Variants in SGCD observed in about 807,000 individuals in gnomAD.
SGCD encodes delta-sarcoglycan.
SGCD carries 18 observed loss-of-function variants against 36.6 expected under a neutral mutation model. The ratio of observed to expected loss-of-function variants is 0.49; its 90% CI spans 0.34 to 0.73. The LOEUF (loss-of-function observed/expected upper bound fraction) is 0.73, where lower values mean the gene tolerates loss of function less well. Among genes scored for constraint, SGCD ranks in the 30% least tolerant of loss-of-function variants. SGCD has a pLI of 0.01. For synonymous variants in SGCD, 133 were observed against 130.6 expected, an observed-to-expected ratio of 1.02 and a Z score of -0.12; for missense variants, 387 against 346.7, an observed-to-expected ratio of 1.12 and a Z score of -0.92.
At chr5:156,220,105 A>G (rs1226598923) in intron 3 of SGCD, among the ~76,000 whole-genome samples, 1 of 152,168 alleles carries the variant, frequency 6.6e-6, no homozygotes, top group Non-Finnish European at 1.5e-5. Context: ...TCCTTTTTAT[A>G]CATATTTAAG....
At chr5:156,646,507 A>G (rs920931673) in intron 6 of SGCD, among the ~76,000 whole-genome samples, 5 of 152,180 alleles carry the variant, frequency 3.3e-5, no homozygotes, top group Admixed American at 6.5e-5. Flanking sequence ...ACACCACACC[A>G]TTCAAAAGCA....
At chr5:156,251,449 A>G (rs2127660968) in intron 3 of SGCD, among the ~76,000 whole-genome samples, 1 of 152,146 alleles carries the variant, frequency 6.6e-6, no homozygotes, top group East Asian at 1.9e-4. Flanking sequence ...ATAAATAAGT[A>G]CCTATGAAAA....
intron 7 of SGCD, among the ~76,000 whole-genome samples, chr5:156,747,448 A>T: frequency 6.6e-6 from 1 of 152,170 alleles, no homozygotes; most frequent in Admixed American, 6.5e-5. Flanking sequence ...TGATCTTACC[A>T]AACGCTGGAC....
At position 156,638,162 on chromosome 5, in the gene SGCD, T is replaced by C. The variant is rs17053697; in HGVS notation, c.503-9302T>C. Among the ~76,000 whole-genome samples the C allele has an allele frequency of 2.7e-3, 406 of 152,116 alleles. 3 individuals are homozygous for C. Among genetic ancestry groups the C allele is most frequent in the African/African-American group, 9.4e-3 (389 of 41,482 alleles). On this transcript the variant is annotated intron_variant, in intron 6 of 8. Transcript: ENST00000337851. ...TTATTTTACATCTCACTGGTATCCA[T>C]TGACCATGTGAGTCTTGATTGCTGT... is the stretch of plus-strand genomic sequence containing the variant.
chr5:156,479,786 AG>A (rs2127837094), intron 3 of SGCD, among the ~76,000 whole-genome samples: 1 of 152,276 alleles, frequency 6.6e-6, no homozygotes, highest in East Asian at 1.9e-4. Flanking sequence ...CTTAGAGAGG[AG>A]GTAGAAGGCA....
chr5:156,337,081 G>T (rs1768392435), intron 2 of SGCD, among the ~76,000 whole-genome samples: 1 of 152,140 alleles, frequency 6.6e-6, no homozygotes, highest in Non-Finnish European at 1.5e-5. Flanking sequence ...CTAATGCCTG[G>T]TATGGATGGC....
At chr5:156,507,001 A>G (rs545220196) in intron 3 of SGCD, among the ~76,000 whole-genome samples, 2 of 152,334 alleles carry the variant, frequency 1.3e-5, no homozygotes, top group South Asian at 4.1e-4. Flanking sequence ...TGATAACCTC[A>G]TGGCAAAAAT....
At chr5:156,709,751 A>C (rs1284865738) in intron 7 of SGCD, among the ~76,000 whole-genome samples, 1 of 152,116 alleles carries the variant, frequency 6.6e-6, no homozygotes, top group African/African-American at 2.4e-5. Flanking sequence ...AAAGAGCAGA[A>C]ATTCATTCTC....
intron 3 of SGCD, among the ~76,000 whole-genome samples, chr5:156,166,904 C>T (rs1242028067): frequency 6.6e-6 from 1 of 152,214 alleles, no homozygotes; most frequent in Admixed American, 6.5e-5. Context: ...GGGGCGAAGA[C>T]AGCCACACCC....
At chr5:155,785,790 T>A in the SGCD span, among the ~76,000 whole-genome samples, 1 of 152,230 alleles carries the variant, frequency 6.6e-6, no homozygotes, top group Admixed American at 6.5e-5. Context: ...TACTTTAGTA[T>A]ATTTATATAT....
intron 3 of SGCD, among the ~76,000 whole-genome samples, chr5:156,437,500 C>G (rs1166472535): frequency 6.6e-6 from 1 of 152,118 alleles, no homozygotes; most frequent in Non-Finnish European, 1.5e-5. Context: ...ACAGATGGCA[C>G]AAAGGATGCT....
Position 156,338,804 on chromosome 5 carries a change from G to T in SGCD, c.4-5685G>T, listed in dbSNP as rs549970197. 1.1e-3 allele frequency among the ~76,000 whole-genome samples: 169 copies of T among 152,254 alleles called. 1 individual carries two copies. Among genetic ancestry groups the T allele is most frequent in the African/African-American group, 3.6e-3 (150 of 41,544 alleles). On this transcript the variant is annotated intron_variant, in intron 2 of 8. Coordinates refer to ENST00000337851, the MANE Select transcript of SGCD (RefSeq NM_000337.6). Reference sequence around the variant, plus strand: ...ATGGTCATCACAGAGTCACTGAGGTGTTGGTGGTGGTTGAAGTGGTAGAAG... The same window carrying T: ...ATGGTCATCACAGAGTCACTGAGGTTTTGGTGGTGGTTGAAGTGGTAGAAG...
At chr5:155,858,182 C>T in the SGCD span, among the ~76,000 whole-genome samples, 1 of 152,154 alleles carries the variant, frequency 6.6e-6, no homozygotes, top group Non-Finnish European at 1.5e-5. Flanking sequence ...TGTGTTGCTA[C>T]CTTTTCAAGT....
At chr5:155,951,469 T>C (rs1757547206) in intron 1 of SGCD, among the ~76,000 whole-genome samples, 1 of 152,186 alleles carries the variant, frequency 6.6e-6, no homozygotes, top group African/African-American at 2.4e-5. Flanking sequence ...AATAAAAAAC[T>C]ACCCTGTGAT....
intron 3 of SGCD, among the ~76,000 whole-genome samples, chr5:156,131,333 T>C (rs2127606309): frequency 1.3e-5 from 2 of 152,370 alleles, no homozygotes; most frequent in South Asian, 4.1e-4. Context: ...GTCACTGAAC[T>C]GCTCCAGACC....
chr5:156,366,177 G>T (rs1204534319), intron 3 of SGCD, among the ~76,000 whole-genome samples: 2 of 152,178 alleles, frequency 1.3e-5, no homozygotes, highest in Non-Finnish European at 2.9e-5. Flanking sequence ...TTTCCTCTTT[G>T]CTGTGTGAAG....
chr5:156,292,411 C>T (rs549402505), intron 3 of SGCD, among the ~76,000 whole-genome samples: 1 of 152,218 alleles, frequency 6.6e-6, no homozygotes, highest in Non-Finnish European at 1.5e-5. Context: ...ATAACGTCCT[C>T]AAGGTTTATT....
At chr5:155,735,586 T>C in the SGCD span, among the ~76,000 whole-genome samples, 1 of 152,182 alleles carries the variant, frequency 6.6e-6, no homozygotes, top group South Asian at 2.1e-4. Context: ...CCAGGACTCT[T>C]AATGCCTGCT....
At chr5:155,899,881 C>T (rs933398480) in intron 1 of SGCD, among the ~76,000 whole-genome samples, 3 of 152,112 alleles carry the variant, frequency 2.0e-5, no homozygotes, top group Admixed American at 1.3e-4. Context: ...GAATTATTAC[C>T]TAATTATTAA....
Sources: gnomAD v4.1 joint callset for allele counts (sites outside exome capture counted in the v4.1 genomes callset) on GRCh38, gnomAD v4.1.1 for gene constraint, MANE v1.5 for transcripts, NCBI Gene and HGNC (gene_info 2026-07-23, HGNC 2026-07-21) for gene names.